Variants in SLC8A1 observed in about 807,000 individuals in gnomAD.
SLC8A1 encodes the protein sodium/calcium exchanger 1.
SLC8A1 carries 18 observed loss-of-function variants against 68.3 expected under a neutral mutation model. The observed-to-expected ratio is 0.26, with a 90% CI of 0.18 to 0.39. The LOEUF (loss-of-function observed/expected upper bound fraction) is 0.39. SLC8A1 is among the 10% of genes least tolerant of loss of function. The pLI is 1.00. For synonymous variants in SLC8A1, 475 were observed against 415.5 expected (o/e 1.14, Z -1.74); for missense variants, 985 against 1,156.7 (o/e 0.85, Z 2.15).
intron 2 of SLC8A1, among the ~76,000 whole-genome samples, chr2:40,196,886 T>G (rs1002139490): frequency 5.3e-5 from 8 of 152,012 alleles, no homozygotes; most frequent in Non-Finnish European, 1.0e-4. Context: ...AGAGAGAAAT[T>G]TTCTATCAAG....
intron 1 of SLC8A1, among the ~76,000 whole-genome samples, chr2:40,485,125 G>A (rs757555961): frequency 3.9e-5 from 6 of 152,054 alleles, no homozygotes; most frequent in Non-Finnish European, 8.8e-5. Context: ...AATAGAGGAG[G>A]AGGAGTAGAA....
chr2:40,173,702 C>G (rs1206639338), intron 4 of SLC8A1, among the ~76,000 whole-genome samples: 12 of 146,822 alleles, frequency 8.2e-5, no homozygotes, highest in Admixed American at 4.7e-4. Context: ...TATTTTTGTT[C>G]AGATCTCTGA....
intron 7 of SLC8A1, among the ~76,000 whole-genome samples, chr2:40,116,451 T>C (rs1443629603): frequency 1.3e-5 from 2 of 152,298 alleles, no homozygotes; most frequent in East Asian, 3.9e-4. Flanking sequence ...CTCCCAGTGC[T>C]ATCCCTCCCC....
intron 2 of SLC8A1, among the ~76,000 whole-genome samples, chr2:40,423,270 T>C (rs1695993754): frequency 6.6e-6 from 1 of 152,108 alleles, no homozygotes; most frequent in Admixed American, 6.6e-5. Flanking sequence ...AATTATGCTT[T>C]TGTCCTCCAA....
chr2:40,341,420 T>C (rs761908515), intron 2 of SLC8A1, among the ~76,000 whole-genome samples: 6 of 152,196 alleles, frequency 3.9e-5, no homozygotes, highest in Non-Finnish European at 8.8e-5. Context: ...GAAACTATTG[T>C]GGAGTCTAAA....
At chr2:40,208,060 A>G (rs982496157) in intron 2 of SLC8A1, among the ~76,000 whole-genome samples, 3 of 152,152 alleles carry the variant, frequency 2.0e-5, no homozygotes, top group South Asian at 2.1e-4. Context: ...ACTGTTACAT[A>G]CATGTATATT....
At chr2:40,415,396 G>A (rs1216368199) in intron 2 of SLC8A1, among the ~76,000 whole-genome samples, 2 of 145,290 alleles carry the variant, frequency 1.4e-5, no homozygotes, top group East Asian at 4.0e-4. Flanking sequence ...TGAAGACATA[G>A]AAGAAAAATC....
chr2:40,255,768 CAT>C (rs1370607136), intron 2 of SLC8A1, among the ~76,000 whole-genome samples: 2 of 152,132 alleles, frequency 1.3e-5, no homozygotes, highest in African/African-American at 4.8e-5. Flanking sequence ...ATCCTTCAAA[CAT>C]ATCTATGAGG....
intron 1 of SLC8A1, among the ~76,000 whole-genome samples, chr2:40,464,329 G>T (rs561675307): frequency 2.0e-5 from 3 of 152,156 alleles, no homozygotes; most frequent in Non-Finnish European, 4.4e-5. Context: ...TAGAGACAAC[G>T]CATTTCATAA....
At chr2:40,282,554 G>C (rs1281389331) in intron 2 of SLC8A1, among the ~76,000 whole-genome samples, 1 of 152,160 alleles carries the variant, frequency 6.6e-6, no homozygotes, top group African/African-American at 2.4e-5. Flanking sequence ...AATAGACCTT[G>C]CTCTCAAGAG....
At chr2:40,198,278 A>G (rs1573929132) in intron 2 of SLC8A1, among the ~76,000 whole-genome samples, 2 of 151,970 alleles carry the variant, frequency 1.3e-5, no homozygotes, top group East Asian at 3.9e-4. Context: ...ACCTCAAAAC[A>G]ATTGTGTTTG....
intron 1 of SLC8A1, among the ~76,000 whole-genome samples, chr2:40,478,554 A>G (rs906989843): frequency 6.6e-6 from 1 of 152,190 alleles, no homozygotes; most frequent in Admixed American, 6.5e-5. Context: ...TTTGGTAAAA[A>G]GCTCAGGTAG....
intron 1 of SLC8A1, among the ~76,000 whole-genome samples, chr2:40,438,576 C>A (rs972062112): frequency 4.6e-5 from 7 of 152,046 alleles, no homozygotes; most frequent in Non-Finnish European, 8.8e-5. Flanking sequence ...CTCCAATGAC[C>A]ATTAATACTA....
intron 2 of SLC8A1, among the ~76,000 whole-genome samples, chr2:40,379,069 ATAGCATC>A (rs1485973888): frequency 1.3e-5 from 2 of 152,162 alleles, no homozygotes; most frequent in Admixed American, 6.5e-5. Flanking sequence ...AGTTTCCAGA[ATAGCATC>A]TGGCTCATAA....
intron 2 of SLC8A1, among the ~76,000 whole-genome samples, chr2:40,321,585 CTT>C (rs1297478849): frequency 2.0e-5 from 3 of 152,070 alleles, no homozygotes; most frequent in Admixed American, 1.3e-4. Flanking sequence ...CCTTAGGAAA[CTT>C]ATAATCATGG....
At chr2:40,448,095 G>T (rs989268141) in intron 1 of SLC8A1, among the ~76,000 whole-genome samples, 1 of 152,214 alleles carries the variant, frequency 6.6e-6, no homozygotes, top group African/African-American at 2.4e-5. Flanking sequence ...AGGACTACGA[G>T]CAACTGTCTT....
chr2:40,286,002 G>A (rs959321637), intron 2 of SLC8A1, among the ~76,000 whole-genome samples: 1 of 152,106 alleles, frequency 6.6e-6, no homozygotes, highest in Non-Finnish European at 1.5e-5. Flanking sequence ...GAAAATGTTA[G>A]GACCAGGGCA....
chr2:40,361,113 A>G (rs1430091586), intron 2 of SLC8A1, among the ~76,000 whole-genome samples: 1 of 152,158 alleles, frequency 6.6e-6, no homozygotes, highest in Non-Finnish European at 1.5e-5. Context: ...TAAGTTGAAG[A>G]TTTCCCAACA....
chr2:40,215,447 C>T (rs1446149033), intron 2 of SLC8A1, among the ~76,000 whole-genome samples: 1 of 151,816 alleles, frequency 6.6e-6, no homozygotes, highest in Non-Finnish European at 1.5e-5. Context: ...ACCATCCTGG[C>T]TAACAAGGTG....
Sources: gnomAD v4.1 joint callset for allele counts (sites outside exome capture counted in the v4.1 genomes callset) on GRCh38, gnomAD v4.1.1 for gene constraint, MANE v1.5 for transcripts, NCBI Gene and HGNC (gene_info 2026-07-23, HGNC 2026-07-21) for gene names.